DLEC1: variants seen among roughly 807,000 people sequenced by gnomAD.
DLEC1 encodes the protein deleted in lung and esophageal cancer protein 1.
A neutral mutation model predicts 198.1 loss-of-function variants in DLEC1; 146 were observed. The observed-to-expected ratio is 0.74, with a 90% CI of 0.64 to 0.85. DLEC1 has a LOEUF of 0.85. Ranked by LOEUF, DLEC1 falls within the 40% of genes least tolerant of loss-of-function variation. The pLI is 0.00. For missense variants in DLEC1, 2,233 were observed against 2,220.0 expected (o/e 1.01, Z -0.12); for synonymous variants, 897 against 866.8 (o/e 1.03, Z -0.61).
In DLEC1 at chr3:38,085,412, C is replaced by A; in HGVS notation, c.1400C>A (p.Pro467His). The A allele has an allele frequency of 6.2e-7, 1 of 1,614,036 alleles. No homozygotes were observed. Among genetic ancestry groups the A allele is most frequent in the Non-Finnish European group, 8.5e-7 (1 of 1,179,988 alleles). ...ETQSAHTLLI[P>H]LQARRPPPVL... ...CAGTCAGCCCACACACTTCTGATCC[C>A]CCTGCAGGCCCGGAGGCCGCCCCCC... Residue 467 changes from proline (P) to histidine (H), a missense_variant, in exon 8 of 37, where the codon CCC (proline) becomes CAC (histidine). Coordinates refer to ENST00000308059, the MANE Select transcript of DLEC1 (RefSeq NM_007335.4).
At chr3:38,060,083 T>C (rs957485513) in intron 3 of DLEC1, among the ~76,000 whole-genome samples, 8 of 152,236 alleles carry the variant, frequency 5.3e-5, no homozygotes, top group Non-Finnish European at 1.0e-4. Flanking sequence ...TGGACTATGA[T>C]GCCCACATCT....
At chr3:38,104,877 A>C (rs1448667093) in intron 19 of DLEC1, among the ~76,000 whole-genome samples, 1 of 151,992 alleles carries the variant, frequency 6.6e-6, no homozygotes, top group Non-Finnish European at 1.5e-5. Flanking sequence ...TCTTAAGGTA[A>C]AAGCTGAGGT....
chr3:38,117,730 A>T, intron 32 of DLEC1, 76 bp from the exon 33 acceptor site: 1 of 1,018,036 alleles, frequency 9.8e-7, no homozygotes, highest in Non-Finnish European at 1.5e-6. Context: ...CAGCCCTCCC[A>T]GCCCTACCCT....
chr3:38,058,849 T>C (rs978811591), intron 2 of DLEC1, among the ~76,000 whole-genome samples: 7 of 151,564 alleles, frequency 4.6e-5, no homozygotes, highest in African/African-American at 1.7e-4. Context: ...TGTACCTTCC[T>C]CTCAATTTTG....
chr3:38,085,474 GA>G, intron 8 of DLEC1, 27 bp downstream of exon 8: 1 of 1,611,574 alleles, frequency 6.2e-7, no homozygotes, highest in Non-Finnish European at 8.5e-7. Flanking sequence ...GCTTCCCACA[GA>G]TTCAGTTAAG....
At chr3:38,097,051 G>T in intron 15 of DLEC1, 131 bp from the exon 16 acceptor site, 1 of 936,942 alleles carries the variant, frequency 1.1e-6, no homozygotes, top group Non-Finnish European at 1.6e-6. Flanking sequence ...CCATGGCTTT[G>T]GGTGGCCAGG....
At chr3:38,070,807 T>A (rs763281862) in intron 6 of DLEC1, among the ~76,000 whole-genome samples, 1 of 152,174 alleles carries the variant, frequency 6.6e-6, no homozygotes, top group Non-Finnish European at 1.5e-5. Flanking sequence ...TGGTGGAATG[T>A]CATCAGTTAA....
chr3:38,093,462 C>T (rs1389145690), intron 11 of DLEC1, 143 bp from the exon 12 acceptor site: 9 of 939,258 alleles, frequency 9.6e-6, no homozygotes, highest in Non-Finnish European at 1.5e-5. Context: ...GGGCGGATAT[C>T]CCCCTTTTCC....
At chr3:38,065,528 C>T (rs989925963) in intron 6 of DLEC1, among the ~76,000 whole-genome samples, 1 of 152,230 alleles carries the variant, frequency 6.6e-6, no homozygotes, top group Non-Finnish European at 1.5e-5. Context: ...TTTTGCCAAT[C>T]TGGTTTTGTC....
intron 22 of DLEC1, 131 bp from the exon 23 acceptor site, chr3:38,109,968 A>G (rs1699775164): frequency 9.4e-7 from 1 of 1,063,304 alleles, no homozygotes; most frequent in Admixed American, 2.5e-5. Flanking sequence ...TTGGCAGCTC[A>G]ATGAAACAGG....
rs748835586 is a variant in DLEC1 at position 38,111,735 on chromosome 3, C to T, written c.3502C>T (p.Arg1168Ter). ...GCGGATGCAAGAGCACCTGGCCAAG[C>T]GAGAGCAGCTGGGTAAGCGCCACCA... ...TVRMQEHLAK[R>*]EQLDFMESML... The change falls in exon 24 of 37, where the codon CGA becomes TGA. Residue 1168 changes from arginine to a stop codon, truncating the protein, a stop_gained. Transcript: ENST00000308059. LOFTEE classifies it high-confidence loss of function. 1.8e-5 allele frequency: 29 copies of T among 1,612,144 alleles called. No individual in the cohort carries two copies. The highest frequency in any genetic ancestry group is 3.3e-5 in the South Asian group (3 of 90,966).
chr3:38,109,533 T>C lies in DLEC1; in HGVS notation c.3231T>C (p.Ile1077=), dbSNP rs1699750946. ...SGKPQGLQVA[I]TISKESSDCS... ...AGCCCCAGGGACTGCAAGTGGCCAT[T>C]ACCATCTCTAAGGAGAGCTCTGATT... Residue 1077 remains isoleucine, a synonymous_variant, in exon 22 of 37, where the codon ATT becomes ATC. Coordinates refer to ENST00000308059, the MANE Select transcript of DLEC1 (RefSeq NM_007335.4). The C allele has an allele frequency of 1.2e-6, 2 of 1,614,106 alleles. No individual in the cohort carries two copies. The highest frequency in any genetic ancestry group is 1.7e-5 in the Admixed American group (1 of 60,010).
At chr3:38,081,536 T>C (rs1697994186) in intron 6 of DLEC1, among the ~76,000 whole-genome samples, 1 of 94,934 alleles carries the variant, frequency 1.1e-5, no homozygotes, top group Non-Finnish European at 2.1e-5. Context: ...GAGGCGCCCC[T>C]CACCTCCCGG....
chr3:38,057,590 T>C (rs750710874), intron 2 of DLEC1, among the ~76,000 whole-genome samples: 6 of 152,252 alleles, frequency 3.9e-5, no homozygotes, highest in Non-Finnish European at 5.9e-5. Context: ...TACAGTGTGA[T>C]GACATTTGAC....
At chr3:38,071,653 C>T (rs189642036) in intron 6 of DLEC1, among the ~76,000 whole-genome samples, 4 of 152,284 alleles carry the variant, frequency 2.6e-5, no homozygotes, top group Admixed American at 2.6e-4. Context: ...TCAGCATAAG[C>T]GTTGCTTAGA....
rs138549481 is a variant in DLEC1, at chr3:38,091,993, A to G, written c.1666-797A>G. Among the ~76,000 whole-genome samples the G allele has an allele frequency of 9.8e-4, 150 of 152,348 alleles. 1 individual carries two copies. Among genetic ancestry groups the G allele is most frequent in the African/African-American group, 3.4e-3 (143 of 41,578 alleles). Reference sequence around the variant, plus strand: ...AACTACCATATGATTCAGCAGTCCTACTACTAGGTATATATACAAATGAAA... The same window carrying G: ...AACTACCATATGATTCAGCAGTCCTGCTACTAGGTATATATACAAATGAAA... On this transcript the variant is annotated intron_variant, in intron 10 of 36. Transcript: ENST00000308059.
chr3:38,105,044 G>A (rs1004359322), intron 19 of DLEC1, among the ~76,000 whole-genome samples: 2 of 151,620 alleles, frequency 1.3e-5, no homozygotes, highest in African/African-American at 4.8e-5. Context: ...TTTTTCTTGT[G>A]GTTTCTTATT....
chr3:38,093,728 G>C lies in DLEC1; in HGVS notation c.1880G>C (p.Arg627Pro), dbSNP rs377618804. The C allele has an allele frequency of 1.1e-5, 18 of 1,614,034 alleles. No homozygotes were observed. Among genetic ancestry groups the C allele is most frequent in the Non-Finnish European group, 1.5e-5 (18 of 1,180,042 alleles). ...HFIRFEPENL[R>P]STARKQLIIR... ...ATACGATTTGAGCCTGAAAACCTTCGGTCCACGGCTAGGAAGCAGCTGATT... is the reference window on the plus strand; with the variant it reads ...ATACGATTTGAGCCTGAAAACCTTCCGTCCACGGCTAGGAAGCAGCTGATT... The change falls in exon 12 of 37, where the codon CGG becomes CCG. Residue 627 changes from arginine (R) to proline (P), a missense_variant. Arg to Pro is a moderately radical substitution (Grantham distance 103). Coordinates refer to ENST00000308059, the MANE Select transcript of DLEC1 (RefSeq NM_007335.4).
intron 2 of DLEC1, among the ~76,000 whole-genome samples, chr3:38,048,181 G>A (rs1700963004): frequency 6.6e-6 from 1 of 152,202 alleles, no homozygotes; most frequent in Admixed American, 6.5e-5. Flanking sequence ...TTCTGAGCTG[G>A]TGAGATGTTC....
Sources: gnomAD v4.1 joint callset for allele counts (sites outside exome capture counted in the v4.1 genomes callset) on GRCh38, gnomAD v4.1.1 for gene constraint, MANE v1.5 for transcripts, NCBI Gene and HGNC (gene_info 2026-07-23, HGNC 2026-07-21) for gene names.